SCNN1B: variants seen among roughly 807,000 people sequenced by gnomAD.
The protein encoded by SCNN1B is sodium channel epithelial 1 subunit beta, also known as epithelial sodium channel subunit beta.
A neutral mutation model predicts 65.3 loss-of-function variants in SCNN1B; 46 were observed. The ratio of observed to expected loss-of-function variants is 0.70; its 90% CI spans 0.56 to 0.90. The LOEUF (loss-of-function observed/expected upper bound fraction) is 0.90, where lower values mean the gene tolerates loss of function less well. Among genes scored for constraint, SCNN1B ranks in the 40% least tolerant of loss-of-function variants. The pLI is 0.00. For synonymous variants in SCNN1B, 349 were observed against 330.6 expected (o/e 1.06, Z -0.60); for missense variants, 751 against 830.5 (o/e 0.90, Z 1.18).
At chr16:23,298,529 G>A (rs921761450), upstream of SCNN1B, among the ~76,000 whole-genome samples, 4 of 152,186 alleles carry the variant, frequency 2.6e-5, no homozygotes, top group African/African-American at 9.7e-5. Context: ...AACTATAATG[G>A]CACTGATGGC....
intron 1 of SCNN1B, among the ~76,000 whole-genome samples, chr16:23,322,124 T>TTTTG (rs564847150): frequency 1.3e-5 from 2 of 152,150 alleles, no homozygotes; most frequent in East Asian, 1.9e-4. Context: ...ATACAACAGT[T>TTTTG]TTTGTTTGTT....
rs34618783 is a variant in SCNN1B, at chr16:23,380,080, G to T, written c.1467-14G>T. Reference sequence around the variant, plus strand: ...GGATACATTAGTCCCGGCCCTTCTCGCTGCCTCCTGCAGGAAGGGAATTGT... The same window carrying T: ...GGATACATTAGTCCCGGCCCTTCTCTCTGCCTCCTGCAGGAAGGGAATTGT... On this transcript the variant is annotated splice_polypyrimidine_tract_variant and intron_variant, in intron 11 of 12. Transcript: ENST00000343070. This position sits in a 1 kb window ranked among gnomAD's most constrained non-coding sequence, Gnocchi z 5.4. The T allele has an allele frequency of 6.2e-7, 1 of 1,610,676 alleles. No individual in the cohort carries two copies. The highest frequency in any genetic ancestry group is 8.5e-7 in the Non-Finnish European group (1 of 1,176,924).
intron 1 of SCNN1B, among the ~76,000 whole-genome samples, chr16:23,345,869 A>G (rs1962175220): frequency 2.0e-5 from 3 of 152,268 alleles, no homozygotes; most frequent in South Asian, 4.1e-4. Context: ...AAGTCAGGAG[A>G]GCTTCATGGA....
intron 1 of SCNN1B, among the ~76,000 whole-genome samples, chr16:23,325,348 C>T (rs191129155): frequency 1.3e-5 from 2 of 151,958 alleles, no homozygotes; most frequent in Admixed American, 1.3e-4. Flanking sequence ...CTCATTGCAA[C>T]CTCCGCCTCC....
At chr16:23,338,941 G>C (rs1961997772) in intron 1 of SCNN1B, among the ~76,000 whole-genome samples, 1 of 152,194 alleles carries the variant, frequency 6.6e-6, no homozygotes, top group African/African-American at 2.4e-5. Flanking sequence ...GTTTTCACAA[G>C]TGTATGCATT....
chr16:23,293,739 C>A (rs879641195), intron 2 of SCNN1B, among the ~76,000 whole-genome samples: 2 of 151,514 alleles, frequency 1.3e-5, no homozygotes, highest in Non-Finnish European at 1.5e-5. Context: ...TCAGCCGGGG[C>A]AACATAGGGA....
intron 4 of SCNN1B, among the ~76,000 whole-genome samples, chr16:23,360,591 G>GTTTTTT (rs35772167): frequency 5.2e-5 from 5 of 95,284 alleles, no homozygotes; most frequent in Admixed American, 2.5e-4. Context: ...GGTGGTGGTG[G>GTTTTTT]TTTTTTTTTT....
At chr16:23,372,640 C>A (rs1962808987) in intron 7 of SCNN1B, among the ~76,000 whole-genome samples, 1 of 151,476 alleles carries the variant, frequency 6.6e-6, no homozygotes, top group Non-Finnish European at 1.5e-5. Context: ...ACTACAGGTG[C>A]CCACCGCTAC....
upstream of SCNN1B, among the ~76,000 whole-genome samples, chr16:23,297,780 G>A (rs1961018415): frequency 6.6e-6 from 1 of 152,182 alleles, no homozygotes; most frequent in Non-Finnish European, 1.5e-5. Context: ...ACCCTGAATG[G>A]GGTGGTAATG....
intron 2 of SCNN1B, among the ~76,000 whole-genome samples, chr16:23,292,992 G>A (rs966985253): frequency 6.6e-6 from 1 of 151,396 alleles, no homozygotes; most frequent in South Asian, 2.1e-4. Flanking sequence ...CTGGGTGCCT[G>A]TAATCCCAGG....
intron 4 of SCNN1B, among the ~76,000 whole-genome samples, chr16:23,366,462 A>C (rs921997565): frequency 6.6e-6 from 1 of 151,836 alleles, no homozygotes; most frequent in Non-Finnish European, 1.5e-5. Context: ...AGTTGGGTGC[A>C]GTGGCTCACG....
chr16:23,359,994 G>C lies in SCNN1B; in HGVS notation c.776+4505G>C, dbSNP rs556794702. On this transcript the variant is annotated intron_variant, in intron 4 of 12. Transcript: ENST00000343070. Reference sequence around the variant, plus strand: ...GAGGCAGGCAGATCACCTGAGGTCAGGAGTTTGAGACCAGCCTGGCAAACA... The same window carrying C: ...GAGGCAGGCAGATCACCTGAGGTCACGAGTTTGAGACCAGCCTGGCAAACA... 2.0e-3 allele frequency among the ~76,000 whole-genome samples: 299 copies of C among 152,148 alleles called. 1 individual carries two copies. The highest frequency in any genetic ancestry group is 2.9e-3 in the Non-Finnish European group (199 of 67,992).
Position 23,367,943 on chromosome 16 carries a change from C to T in SCNN1B, c.864C>T (p.Asn288=). 1 of 1,613,754 alleles carries T rather than the reference C, an allele frequency of 6.2e-7. No homozygotes were observed. The highest frequency in any genetic ancestry group is 8.5e-7 in the Non-Finnish European group (1 of 1,179,608). Residue 288 remains asparagine (N), a synonymous_variant, in exon 5 of 13, where the codon AAC becomes AAT. Transcript: ENST00000343070. ...GMTEKALPSA[N]PGTEFGLKLI... is the part of the protein sequence containing the mutation. Reference sequence around the variant, plus strand: ...CAGAGAAGGCACTTCCTTCGGCCAACCCTGGAACTGAATTCGGTGAGTTTT... The same window carrying T: ...CAGAGAAGGCACTTCCTTCGGCCAATCCTGGAACTGAATTCGGTGAGTTTT...
At chr16:23,287,925 T>G (rs1191663701) in intron 2 of SCNN1B, among the ~76,000 whole-genome samples, 1 of 148,216 alleles carries the variant, frequency 6.7e-6, no homozygotes, top group Non-Finnish European at 1.5e-5. Flanking sequence ...GAAGCCGAGG[T>G]AGGCTGATTG....
chr16:23,293,795 C>T (rs975256783), intron 2 of SCNN1B, among the ~76,000 whole-genome samples: 1 of 151,950 alleles, frequency 6.6e-6, no homozygotes, highest in African/African-American at 2.4e-5. Flanking sequence ...TGGTGGCATG[C>T]ACCTGTAGTC....
rs1316403720 is a variant in SCNN1B at position 23,380,159 on chromosome 16, C to T, written c.1532C>T (p.Ala511Val). The T allele has an allele frequency of 6.2e-7, 1 of 1,613,790 alleles. No homozygotes were observed. The highest frequency in any genetic ancestry group is 2.2e-5 in the East Asian group (1 of 44,872). ...EFNYRTIEES[A>V]ANNIVWLLSN... ...AACTATCGCACCATTGAAGAATCAG[C>T]AGCCAATAACGTGAGTTTAGGAGTC... Residue 511 changes from alanine (A) to valine (V), a missense_variant, in exon 12 of 13, where the codon GCA becomes GTA. Coordinates refer to ENST00000343070, the MANE Select transcript of SCNN1B (RefSeq NM_000336.3). This position sits in a 1 kb window ranked among gnomAD's most constrained non-coding sequence, Gnocchi z 5.4.
At chr16:23,331,730 T>A (rs925573527) in intron 1 of SCNN1B, among the ~76,000 whole-genome samples, 1 of 152,008 alleles carries the variant, frequency 6.6e-6, no homozygotes, top group Admixed American at 6.6e-5. Flanking sequence ...ATGAATTTGG[T>A]GGGGGGACAC....
At chr16:23,367,064 C>T (rs2142035173) in intron 4 of SCNN1B, among the ~76,000 whole-genome samples, 1 of 152,256 alleles carries the variant, frequency 6.6e-6, no homozygotes, top group Non-Finnish European at 1.5e-5. Flanking sequence ...AGCTTCTCCT[C>T]TGTATCTGTC....
At chr16:23,317,928 A>G (rs1367726073) in intron 1 of SCNN1B, among the ~76,000 whole-genome samples, 5 of 152,218 alleles carry the variant, frequency 3.3e-5, no homozygotes, top group Non-Finnish European at 7.3e-5. Context: ...CACAGTCTGC[A>G]CAACCACACA....
Sources: gnomAD v4.1 joint callset for allele counts (sites outside exome capture counted in the v4.1 genomes callset) on GRCh38, gnomAD v4.1.1 for gene constraint, Gnocchi (gnomAD v3.1) non-coding constraint, MANE v1.5 for transcripts, NCBI Gene and HGNC (gene_info 2026-07-23, HGNC 2026-07-21) for gene names.